GSPT1: variants seen among roughly 807,000 people sequenced by gnomAD.
GSPT1 encodes the protein eukaryotic peptide chain release factor GTP-binding subunit ERF3A.
In GSPT1, 20 loss-of-function variants were observed where a neutral mutation model predicts 72.5. The observed-to-expected ratio is 0.28, with a 90% confidence interval of 0.19 to 0.40. The LOEUF is 0.40. Ranked by LOEUF, GSPT1 falls within the 10% of genes least tolerant of loss-of-function variation. The probability of loss-of-function intolerance (pLI) is 1.00; values close to 1 mark genes in which losing one functional copy is unlikely to be tolerated. For synonymous variants in GSPT1, 334 were observed against 293.5 expected, an observed-to-expected ratio of 1.14 and a Z score of -1.41; for missense variants, 580 against 811.9, an observed-to-expected ratio of 0.71 and a Z score of 3.47.
chr16:11,887,473 C>A (rs1022851595), intron 7 of GSPT1, 97 bp downstream of exon 7: 5 of 965,710 alleles, frequency 5.2e-6, no homozygotes, highest in Non-Finnish European at 8.0e-6. Flanking sequence ...TATTTCACTG[C>A]AACCTGAATT....
Position 11,915,924 on chromosome 16 carries a change from G to GCGGCA in GSPT1, c.-205_-204insTGCCG, listed in dbSNP as rs1555506606. On this transcript the variant is annotated 5_prime_UTR_variant, in exon 1 of 15. Coordinates refer to ENST00000434724, the MANE Select transcript of GSPT1 (RefSeq NM_002094.4). ...CGACGACGACAGAGGCGGCGGCGGC[G>GCGGCA]GCAGCTCAACCCTCCTCCTCGTGTG... 10 of 782,874 alleles carry GCGGCA rather than the reference G, an allele frequency of 1.3e-5. 1 individual carries two copies. The highest frequency in any genetic ancestry group is 1.2e-4 in the South Asian group (9 of 74,460). The allele number at this position is 782,874 out of a possible 1,614,324, so 48.5% of individuals were successfully genotyped here.
chr16:11,915,702 C>CGCCGCT lies in GSPT1; in HGVS notation c.18_19insAGCGGC (p.Ser5_Gly6dup), dbSNP rs1555506555. 45 of 1,494,342 alleles carry CGCCGCT rather than the reference C, an allele frequency of 3.0e-5. No individual in the cohort carries two copies. The highest frequency in any genetic ancestry group is 3.8e-5 in the Non-Finnish European group (43 of 1,131,124). 92.6% of individuals were successfully genotyped at this position (1,494,342 alleles called of 1,614,324 possible). On this transcript the variant is annotated inframe_insertion, in exon 1 of 15. Transcript: ENST00000434724. ...CCGCCGCCGCCGCCGCCGCCGCCGC[C>CGCCGCT]GCCACTGCCCGGATCCATGATCGGG...
chr16:11,887,532 T>A, intron 7 of GSPT1, 38 bp downstream of exon 7: 3 of 1,551,596 alleles, frequency 1.9e-6, no homozygotes, highest in Non-Finnish European at 2.7e-6. Flanking sequence ...GCGGGGCTAC[T>A]AACAAATATA....
chr16:11,884,105 A>G (rs565484118), intron 10 of GSPT1, among the ~76,000 whole-genome samples: 2 of 152,214 alleles, frequency 1.3e-5, no homozygotes, highest in Non-Finnish European at 2.9e-5. Flanking sequence ...GGAAAACATT[A>G]CATACATTGA....
At chr16:11,898,341 C>T (rs887419164) in intron 1 of GSPT1, among the ~76,000 whole-genome samples, 2 of 152,086 alleles carry the variant, frequency 1.3e-5, no homozygotes, top group Admixed American at 6.5e-5. Flanking sequence ...AAGTAATTTG[C>T]AGCTCAGCAC....
At chr16:11,882,733 T>A (rs556017255) in intron 11 of GSPT1, among the ~76,000 whole-genome samples, 3 of 151,854 alleles carry the variant, frequency 2.0e-5, no homozygotes, top group Admixed American at 6.6e-5. Flanking sequence ...GATGGGAGGA[T>A]TGTTTGAGGC....
At chr16:11,889,530 G>A (rs182174286) in intron 6 of GSPT1, among the ~76,000 whole-genome samples, 6 of 150,530 alleles carry the variant, frequency 4.0e-5, no homozygotes, top group Admixed American at 2.0e-4. Context: ...TTTTTGAGAT[G>A]GAGTTTAGCT....
intron 11 of GSPT1, among the ~76,000 whole-genome samples, chr16:11,878,306 G>A (rs113689681): frequency 0.039 from 5,918 of 152,018 alleles, 389 homozygotes; most frequent in African/African-American, 0.14. Context: ...TAGTAGAGAC[G>A]AGGTTTCACC....
rs1056784176 is a variant in GSPT1 at position 11,896,890 on chromosome 16, C to T, written c.437-105G>A. ...AAATGGAAGTTTGCATATGTAGTTCCATTTCCTAATGCCTAGTGACACATA... is the reference window on the plus strand; with the variant it reads ...AAATGGAAGTTTGCATATGTAGTTCTATTTCCTAATGCCTAGTGACACATA... On this transcript the variant is annotated intron_variant, in intron 3 of 14. Transcript: ENST00000434724. 1.1e-5 allele frequency: 8 copies of T among 747,970 alleles called. No homozygotes were observed. In the African/African-American group the frequency reaches 1.4e-4, roughly 13 times the overall value. The allele number at this position is 747,970 out of a possible 1,614,324, so 46.3% of individuals were successfully genotyped here.
intron 1 of GSPT1, among the ~76,000 whole-genome samples, chr16:11,911,854 A>ATTTGTTTTTTTTTTTTTT (rs2054562188): frequency 2.2e-5 from 1 of 45,384 alleles, no homozygotes; most frequent in Non-Finnish European, 3.8e-5. Flanking sequence ...ACCCAGCTGT[A>ATTTGTTTTTTTTTTTTTT]TTTTTTTTTT....
rs1158026034 is a variant in GSPT1 at position 11,911,854 on chromosome 16, A to ATTTTT, written c.352+3510_352+3514dup. Among the ~76,000 whole-genome samples, 145 of 45,408 alleles carry ATTTTT rather than the reference A, an allele frequency of 3.2e-3. 40 individuals are homozygous for ATTTTT. Among genetic ancestry groups the ATTTTT allele is most frequent in the Non-Finnish European group, 4.5e-3 (119 of 26,442 alleles). The allele number at this position is 45,408 out of a possible 152,430, so 29.8% of individuals were successfully genotyped here. ...GGCATGAGCCACTGCACCCAGCTGTATTTTTTTTTTTTTTTTTTTTTTTTT... is the reference window on the plus strand; with the variant it reads ...GGCATGAGCCACTGCACCCAGCTGTATTTTTTTTTTTTTTTTTTTTTTTTTTTTTT... On this transcript the variant is annotated intron_variant, in intron 1 of 14. Transcript: ENST00000434724.
chr16:11,887,025 T>G, intron 7 of GSPT1, 94 bp from the exon 8 acceptor site: 7 of 955,510 alleles, frequency 7.3e-6, no homozygotes, highest in Admixed American at 2.8e-5. Context: ...TCACGAGTTT[T>G]TTTTTTTTTT....
chr16:11,913,606 G>A (rs968838427), intron 1 of GSPT1, among the ~76,000 whole-genome samples: 2 of 152,212 alleles, frequency 1.3e-5, no homozygotes, highest in African/African-American at 4.8e-5. Context: ...GCTGTAAATG[G>A]AGTCCTGAGT....
chr16:11,914,166 G>A (rs1275153065), intron 1 of GSPT1, among the ~76,000 whole-genome samples: 1 of 152,218 alleles, frequency 6.6e-6, no homozygotes, highest in Admixed American at 6.5e-5. Context: ...AGGACGTTCA[G>A]CCTTTTCCTT....
chr16:11,906,033 C>T (rs919809936), intron 1 of GSPT1, among the ~76,000 whole-genome samples: 7 of 151,998 alleles, frequency 4.6e-5, no homozygotes, highest in Non-Finnish European at 8.8e-5. Context: ...CTGTGTTTTC[C>T]TTTGATTTTC....
intron 10 of GSPT1, among the ~76,000 whole-genome samples, chr16:11,884,728 C>T (rs1461779483): frequency 6.9e-6 from 1 of 144,866 alleles, no homozygotes; most frequent in Non-Finnish European, 1.5e-5. Context: ...CACACCACTG[C>T]ACTCTAGCCT....
intron 12 of GSPT1, among the ~76,000 whole-genome samples, chr16:11,876,470 C>T (rs2054047972): frequency 6.6e-6 from 1 of 152,156 alleles, no homozygotes; most frequent in South Asian, 2.1e-4. Context: ...TGGTTCACGC[C>T]TGTAATCTCA....
At position 11,868,663 on chromosome 16, in the gene GSPT1, A is replaced by ATGT. The variant is rs2053946003; in HGVS notation, c.*4455_*4456insACA. On this transcript the variant is annotated 3_prime_UTR_variant, in exon 15 of 15. Coordinates refer to ENST00000434724, the MANE Select transcript of GSPT1 (RefSeq NM_002094.4). ...TGGGCAGCAGGAAAAGGAGGTAACA[A>ATGT]GGACTTGGGCTGACATCTGAAGCAC... 6.6e-6 allele frequency: 1 copy of ATGT among 152,280 alleles called. No individual in the cohort carries two copies. The highest frequency in any genetic ancestry group is 1.5e-5 in the Non-Finnish European group (1 of 68,100). The allele number at this position is 152,280 out of a possible 1,614,324, so 9.4% of individuals were successfully genotyped here.
At chr16:11,874,696 T>C (rs546367833) in intron 14 of GSPT1, among the ~76,000 whole-genome samples, 18 of 152,238 alleles carry the variant, frequency 1.2e-4, no homozygotes, top group Non-Finnish European at 2.1e-4. Context: ...ACTGTCTTTA[T>C]ACAATTTCAT....
Sources: allele counts gnomAD v4.1 joint callset (sites outside exome capture counted in the v4.1 genomes callset), GRCh38; gene constraint gnomAD v4.1.1; transcripts MANE v1.5; gene names NCBI Gene and HGNC (gene_info 2026-07-23, HGNC 2026-07-21).